ZCCHC7: variants seen among roughly 807,000 people sequenced by gnomAD.
ZCCHC7 encodes the protein zinc finger CCHC-type containing 7.
Under a neutral mutation model 52.0 loss-of-function variants are expected in ZCCHC7, and 35 were observed. That is an observed-to-expected ratio of 0.67 (90% confidence interval 0.51 to 0.89). The LOEUF (loss-of-function observed/expected upper bound fraction) is 0.89. ZCCHC7 is among the 40% of genes least tolerant of loss of function. The pLI, the probability that ZCCHC7 is intolerant of heterozygous loss-of-function variation, is 0.00. For synonymous variants in ZCCHC7, 217 were observed against 221.5 expected, an observed-to-expected ratio of 0.98 and a Z score of 0.18; for missense variants, 574 against 649.1, an observed-to-expected ratio of 0.88 and a Z score of 1.26.
intron 1 of ZCCHC7, among the ~76,000 whole-genome samples, chr9:37,124,561 C>T (rs866349558): frequency 2.6e-5 from 4 of 152,112 alleles, no homozygotes; most frequent in South Asian, 2.1e-4. Context: ...TTGTGATCTG[C>T]GTTTCTTGGA....
intron 2 of ZCCHC7, among the ~76,000 whole-genome samples, chr9:37,222,096 CATT>C (rs977643993): frequency 1.3e-4 from 19 of 151,764 alleles, no homozygotes; most frequent in Middle Eastern, 3.2e-3. Flanking sequence ...GATGAAGAGA[CATT>C]ATTGAGATGC....
intron 2 of ZCCHC7, among the ~76,000 whole-genome samples, chr9:37,277,992 CAAAA>C (rs906650771): frequency 7.9e-6 from 1 of 126,798 alleles, no homozygotes; most frequent in Middle Eastern, 4.2e-3. Context: ...ATTAGAAAAT[CAAAA>C]AAAAAAAGTT....
intron 2 of ZCCHC7, among the ~76,000 whole-genome samples, chr9:37,146,683 A>G (rs143373978): frequency 1.4e-3 from 207 of 151,974 alleles, no homozygotes; most frequent in African/African-American, 4.7e-3. Flanking sequence ...TTGCTGCTCA[A>G]CATTTTCTCA....
chr9:37,177,190 C>G (rs144741810), intron 2 of ZCCHC7, among the ~76,000 whole-genome samples: 72 of 152,200 alleles, frequency 4.7e-4, no homozygotes, highest in Middle Eastern at 3.4e-3. Context: ...AAATACTTAG[C>G]TGGGTGTGGT....
chr9:37,161,636 T>C (rs1267894911), intron 2 of ZCCHC7, among the ~76,000 whole-genome samples: 1 of 152,152 alleles, frequency 6.6e-6, no homozygotes, highest in Admixed American at 6.5e-5. Flanking sequence ...AGGCCAGTGC[T>C]CTCACTTTGT....
chr9:37,198,301 C>G (rs2133141681), intron 2 of ZCCHC7, among the ~76,000 whole-genome samples: 1 of 152,260 alleles, frequency 6.6e-6, no homozygotes, highest in South Asian at 2.1e-4. Context: ...ATTTTATTTT[C>G]TCCCAGAATG....
At chr9:37,182,304 T>A (rs900911869) in intron 2 of ZCCHC7, among the ~76,000 whole-genome samples, 3 of 152,160 alleles carry the variant, frequency 2.0e-5, no homozygotes, top group African/African-American at 7.2e-5. Context: ...TTATTTTTGC[T>A]TATTTTTTTA....
At chr9:37,304,469 T>C (rs1829204820) in intron 4 of ZCCHC7, among the ~76,000 whole-genome samples, 156 bp downstream of exon 4, 1 of 152,084 alleles carries the variant, frequency 6.6e-6, no homozygotes, top group Non-Finnish European at 1.5e-5. Context: ...CTAGCTAACA[T>C]GGTGAAAAAC....
intron 2 of ZCCHC7, among the ~76,000 whole-genome samples, chr9:37,213,328 A>G (rs1824337798): frequency 6.6e-6 from 1 of 152,180 alleles, no homozygotes; most frequent in African/African-American, 2.4e-5. Context: ...GTTTTAGCTA[A>G]AATGACAATA....
chr9:37,220,549 A>G (rs1228687147), intron 2 of ZCCHC7, among the ~76,000 whole-genome samples: 1 of 152,188 alleles, frequency 6.6e-6, no homozygotes, highest in African/African-American at 2.4e-5. Flanking sequence ...CTCAAAAAGT[A>G]AAAAGGAAGG....
intron 2 of ZCCHC7, among the ~76,000 whole-genome samples, chr9:37,254,837 C>CTTTTCTTTT (rs1554719696): frequency 1.1e-5 from 1 of 93,462 alleles, no homozygotes; most frequent in African/African-American, 4.0e-5. Context: ...CAAAAAGTTT[C>CTTTTCTTTT]TTTTTTTTTT....
At chr9:37,352,276 T>C (rs79068446) in intron 7 of ZCCHC7, among the ~76,000 whole-genome samples, 7,738 of 152,212 alleles carry the variant, frequency 0.051, 645 homozygotes, top group African/African-American at 0.17. Flanking sequence ...GATACTATTA[T>C]TGAATGGATT....
intron 2 of ZCCHC7, among the ~76,000 whole-genome samples, chr9:37,268,609 G>A (rs1471164503): frequency 6.6e-6 from 1 of 151,980 alleles, no homozygotes; most frequent in East Asian, 1.9e-4. Flanking sequence ...TGTATTTTTA[G>A]TAGAGACGGG....
At chr9:37,131,283 T>G (rs965877679) in intron 2 of ZCCHC7, among the ~76,000 whole-genome samples, 2 of 149,050 alleles carry the variant, frequency 1.3e-5, no homozygotes, top group African/African-American at 5.0e-5. Flanking sequence ...GAGTTTGCAG[T>G]GAGCCGAGAT....
chr9:37,161,527 A>G (rs1179138009), intron 2 of ZCCHC7, among the ~76,000 whole-genome samples: 1 of 152,004 alleles, frequency 6.6e-6, no homozygotes, highest in Non-Finnish European at 1.5e-5. Flanking sequence ...GTGAGCCAAG[A>G]TGGCGTCACT....
chr9:37,199,052 AT>A (rs1823446138), intron 2 of ZCCHC7, among the ~76,000 whole-genome samples: 1 of 151,866 alleles, frequency 6.6e-6, no homozygotes, highest in South Asian at 2.1e-4. Flanking sequence ...TTTTTGACAC[AT>A]TTGCCACACC....
chr9:37,274,677 TTTAATG>T, intron 2 of ZCCHC7, among the ~76,000 whole-genome samples: 1 of 150,680 alleles, frequency 6.6e-6, no homozygotes, highest in East Asian at 1.9e-4. Flanking sequence ...TTTAAAAGTT[TTTAATG>T]TTAATGTAGT....
chr9:37,215,471 A>G (rs925761210), intron 2 of ZCCHC7, among the ~76,000 whole-genome samples: 9 of 152,228 alleles, frequency 5.9e-5, no homozygotes, highest in African/African-American at 1.9e-4. Context: ...TCCAGATAGC[A>G]TAGCTCCCTA....
chr9:37,160,261 G>A (rs952074937), intron 2 of ZCCHC7: 3 of 152,212 alleles, frequency 2.0e-5, no homozygotes, highest in Non-Finnish European at 4.4e-5. Context: ...TGTAATCCCA[G>A]CACTAAGGGA....
Sources: allele counts gnomAD v4.1 joint callset (sites outside exome capture counted in the v4.1 genomes callset), GRCh38; gene constraint gnomAD v4.1.1; transcripts MANE v1.5; gene names NCBI Gene and HGNC (gene_info 2026-07-23, HGNC 2026-07-21).